The following ATG5 variants were observed in gnomAD, a reference collection of about 807,000 sequenced individuals.
The protein encoded by ATG5 is autophagy protein 5.
A neutral mutation model predicts 36.5 loss-of-function variants in ATG5; 14 were observed. That is an observed-to-expected ratio of 0.38 (90% CI 0.25 to 0.60). The LOEUF (loss-of-function observed/expected upper bound fraction) is 0.60, where lower values mean the gene tolerates loss of function less well. Among genes scored for constraint, ATG5 ranks in the 20% least tolerant of loss-of-function variants. ATG5 has a pLI of 0.60. For missense variants in ATG5, 195 were observed against 326.7 expected, an observed-to-expected ratio of 0.60 and a Z score of 3.11; for synonymous variants, 95 against 101.5, an observed-to-expected ratio of 0.94 and a Z score of 0.38.
At chr6:106,188,821 A>T (rs1421623346) in intron 7 of ATG5, among the ~76,000 whole-genome samples, 40 of 152,232 alleles carry the variant, frequency 2.6e-4, no homozygotes, top group Admixed American at 2.6e-3. Flanking sequence ...AGACTGTCAT[A>T]TCCCTCAACA....
intron 7 of ATG5, among the ~76,000 whole-genome samples, chr6:106,196,595 A>G (rs1005922031): frequency 5.9e-5 from 9 of 152,062 alleles, no homozygotes; most frequent in Non-Finnish European, 1.3e-4. Flanking sequence ...ATGGTGGCAC[A>G]TGCCTGTAAT....
rs758669463 is a variant in ATG5 at position 106,271,520 on chromosome 6, C to T, written c.478+8141G>A. The T allele has an allele frequency of 5.9e-5, 9 of 152,146 alleles. No individual in the cohort carries two copies. In the East Asian group the frequency reaches 9.6e-4, roughly 16 times the overall value. 9.4% of individuals were successfully genotyped at this position (152,146 alleles called of 1,614,324 possible). ...GCACCTTCCTCTTGGACTCTCTAGC[C>T]GCTAGATTGTGAAAATAATCAGACG... On this transcript the variant is annotated intron_variant, in intron 5 of 7. Transcript: ENST00000369076.
intron 5 of ATG5, among the ~76,000 whole-genome samples, chr6:106,250,399 G>T (rs185450805): frequency 6.6e-6 from 1 of 152,302 alleles, no homozygotes; most frequent in Admixed American, 6.5e-5. Flanking sequence ...AATCCAGTAA[G>T]TCCAGCACAA....
intron 6 of ATG5, among the ~76,000 whole-genome samples, chr6:106,210,203 C>T (rs1368810613): frequency 6.6e-6 from 1 of 152,144 alleles, no homozygotes; most frequent in African/African-American, 2.4e-5. Context: ...GCAGGAAAAG[C>T]CCCTTAGGTG....
At chr6:106,220,811 G>A (rs1165726588) in intron 6 of ATG5, among the ~76,000 whole-genome samples, 4 of 152,142 alleles carry the variant, frequency 2.6e-5, no homozygotes, top group Non-Finnish European at 5.9e-5. Flanking sequence ...ATAGGTAAGT[G>A]ATTAAGCAGA....
intron 4 of ATG5, among the ~76,000 whole-genome samples, chr6:106,280,069 T>C (rs1779819115): frequency 6.6e-6 from 1 of 152,006 alleles, no homozygotes; most frequent in Non-Finnish European, 1.5e-5. Context: ...AGGGTAATAA[T>C]CTGAAAAATA....
intron 3 of ATG5, among the ~76,000 whole-genome samples, chr6:106,305,416 A>T (rs2114658306): frequency 6.6e-6 from 1 of 152,196 alleles, no homozygotes; most frequent in East Asian, 1.9e-4. Context: ...GAAAGTCATG[A>T]TTTGTCAAGG....
At chr6:106,188,645 G>A (rs770171352) in intron 7 of ATG5, among the ~76,000 whole-genome samples, 3 of 152,176 alleles carry the variant, frequency 2.0e-5, no homozygotes, top group Admixed American at 6.5e-5. Flanking sequence ...AACAGAAGCT[G>A]GAGGACAAAA....
intron 3 of ATG5, among the ~76,000 whole-genome samples, chr6:106,303,008 G>A (rs911636680): frequency 6.6e-6 from 1 of 151,590 alleles, no homozygotes; most frequent in Non-Finnish European, 1.5e-5. Flanking sequence ...ATTTAAAAAA[G>A]AAATTAAGGT....
chr6:106,214,749 G>A (rs1452225290), intron 6 of ATG5, among the ~76,000 whole-genome samples: 1 of 152,134 alleles, frequency 6.6e-6, no homozygotes, highest in East Asian at 1.9e-4. Context: ...ATAACGTGTG[G>A]TACAGAGAAG....
At chr6:106,283,551 G>A (rs1779961397) in intron 4 of ATG5, 1 of 152,136 alleles carries the variant, frequency 6.6e-6, no homozygotes, top group South Asian at 2.1e-4. Context: ...AGGTAACCTG[G>A]TGGTCTCTTG....
chr6:106,185,578 T>C lies in ATG5; in HGVS notation c.*962A>G, dbSNP rs1269801896. 6.6e-6 allele frequency: 1 copy of C among 152,268 alleles called. No homozygotes were observed. The highest frequency in any genetic ancestry group is 6.5e-5 in the Admixed American group (1 of 15,268). 9.4% of individuals were successfully genotyped at this position (152,268 alleles called of 1,614,324 possible). ...GGCTGCCAGGGACCACAGTGAAAAATTAGACCTGGAGCCAATGAAAAACAC... is the reference window on the plus strand; with the variant it reads ...GGCTGCCAGGGACCACAGTGAAAAACTAGACCTGGAGCCAATGAAAAACAC... On this transcript the variant is annotated 3_prime_UTR_variant, in exon 8 of 8. Coordinates refer to ENST00000369076, the MANE Select transcript of ATG5 (RefSeq NM_004849.4).
intron 7 of ATG5, among the ~76,000 whole-genome samples, chr6:106,195,212 A>G (rs940758650): frequency 4.6e-5 from 7 of 152,250 alleles, no homozygotes; most frequent in African/African-American, 1.7e-4. Context: ...AAATCAGACA[A>G]AATTCTTTCA....
intron 6 of ATG5, among the ~76,000 whole-genome samples, chr6:106,238,980 A>T (rs1004821478): frequency 6.6e-6 from 1 of 152,210 alleles, no homozygotes; most frequent in African/African-American, 2.4e-5. Context: ...TATCATTTCT[A>T]ATTAGAAACG....
chr6:106,325,412 GCGGGCGCTCCTC>G (rs1195333381), intron 1 of ATG5, 102 bp downstream of exon 1: 1 of 152,476 alleles, frequency 6.6e-6, no homozygotes, highest in Non-Finnish European at 1.5e-5. Flanking sequence ...TCGCGGCCGG[GCGGGCGCTCCTC>G]CAGGCAACTA....
chr6:106,315,932 A>G (rs1246869994), intron 2 of ATG5, among the ~76,000 whole-genome samples, 169 bp downstream of exon 2: 4 of 152,248 alleles, frequency 2.6e-5, no homozygotes, highest in African/African-American at 9.6e-5. Context: ...TGGTAGCATT[A>G]GAGGTGATTA....
intron 3 of ATG5, among the ~76,000 whole-genome samples, chr6:106,294,224 T>G (rs935388573): frequency 6.6e-6 from 1 of 152,128 alleles, no homozygotes; most frequent in Admixed American, 6.5e-5. Context: ...CTGTATAATC[T>G]ATTAATGAGT....
intron 5 of ATG5, among the ~76,000 whole-genome samples, chr6:106,254,782 A>C (rs1228955256): frequency 6.6e-6 from 1 of 152,194 alleles, no homozygotes; most frequent in Non-Finnish European, 1.5e-5. Context: ...ACCAGTATGG[A>C]AAAGTGGCCC....
rs188357899 is a variant in ATG5, at chr6:106,254,395, C to T, written c.479-6151G>A. ...GAGGGCAAAGACTTTATCTTCAGCC[C>T]TAGAAAGTTCTACGTACTTCAGCCC... On this transcript the variant is annotated intron_variant, in intron 5 of 7. Transcript: ENST00000369076. 5.4e-4 allele frequency among the ~76,000 whole-genome samples: 82 copies of T among 152,272 alleles called. 1 individual carries two copies. The highest frequency in any genetic ancestry group is 2.6e-3 in the Admixed American group (39 of 15,292).
Sources: allele counts gnomAD v4.1 joint callset (sites outside exome capture counted in the v4.1 genomes callset), GRCh38; gene constraint gnomAD v4.1.1; transcripts MANE v1.5; gene names NCBI Gene and HGNC (gene_info 2026-07-23, HGNC 2026-07-21).